Variants in KLRG2 observed in about 807,000 individuals in gnomAD.
KLRG2 encodes the protein killer cell lectin like receptor G2, also known as killer cell lectin-like receptor subfamily G member 2.
A neutral mutation model predicts 35.4 loss-of-function variants in KLRG2; 39 were observed. That is an observed-to-expected ratio of 1.10 (90% CI 0.85 to 1.44). The LOEUF is 1.44. KLRG2 is among the 40% of genes most tolerant of loss of function. The pLI, the probability that KLRG2 is intolerant of heterozygous loss-of-function variation, is 0.00. For missense variants in KLRG2, 632 were observed against 570.9 expected (o/e 1.11, Z -1.09); for synonymous variants, 283 against 265.8 (o/e 1.06, Z -0.63).
At chr7:139,466,530 C>T (rs1463980663) in intron 3 of KLRG2, among the ~76,000 whole-genome samples, 1 of 152,096 alleles carries the variant, frequency 6.6e-6, no homozygotes, top group Non-Finnish European at 1.5e-5. Flanking sequence ...TACTTTCACC[C>T]TGATGAAGTC....
chr7:139,454,648 T>A (rs1218341122), intron 3 of KLRG2, among the ~76,000 whole-genome samples: 2 of 141,420 alleles, frequency 1.4e-5, no homozygotes, highest in African/African-American at 5.4e-5. Context: ...AAACCCCGTT[T>A]CTATTAAAAA....
At position 139,467,568 on chromosome 7, in the gene KLRG2, T is replaced by A. The variant is rs60136247; in HGVS notation, c.1005+12059A>T. On this transcript the variant is annotated intron_variant, in intron 3 of 4. Coordinates refer to ENST00000340940, the MANE Select transcript of KLRG2 (RefSeq NM_198508.4). ...GCCGTGCTCTCTGAAACATGTGCTG[T>A]GTCCACTCAGGGTTAAATGGATTAA... Among the ~76,000 whole-genome samples, 891 of 152,152 alleles carry A rather than the reference T, an allele frequency of 5.9e-3. 4 individuals carry two copies. Among genetic ancestry groups the A allele is most frequent in the Non-Finnish European group, 9.8e-3 (668 of 68,018 alleles).
At chr7:139,461,196 G>T (rs767444498) in intron 3 of KLRG2, among the ~76,000 whole-genome samples, 16 of 151,606 alleles carry the variant, frequency 1.1e-4, no homozygotes, top group Non-Finnish European at 2.2e-4. Context: ...GCAGTGAGCT[G>T]AGATCGCACC....
chr7:139,465,608 C>T (rs1342229038), intron 3 of KLRG2, among the ~76,000 whole-genome samples: 4 of 150,728 alleles, frequency 2.7e-5, no homozygotes, highest in African/African-American at 4.9e-5. Flanking sequence ...AGGAGAATGG[C>T]GTGAACCTGG....
At chr7:139,448,504 A>T (rs934009096), downstream of KLRG2, among the ~76,000 whole-genome samples, 1 of 152,168 alleles carries the variant, frequency 6.6e-6, no homozygotes, top group Non-Finnish European at 1.5e-5. Context: ...TTGTGTATCT[A>T]ACATAGAAAA....
At chr7:139,478,055 G>T (rs1796882961) in intron 3 of KLRG2, among the ~76,000 whole-genome samples, 1 of 147,162 alleles carries the variant, frequency 6.8e-6, no homozygotes, top group Non-Finnish European at 1.5e-5. Context: ...ACTGTGCCCG[G>T]CCCACAATTT....
chr7:139,462,098 A>C (rs1332359564), intron 3 of KLRG2, among the ~76,000 whole-genome samples: 1 of 152,082 alleles, frequency 6.6e-6, no homozygotes, highest in Non-Finnish European at 1.5e-5. Context: ...TCTTAATTTC[A>C]GTGCCTTTCC....
chr7:139,451,713 C>T (rs1796379259), downstream of KLRG2, among the ~76,000 whole-genome samples: 1 of 152,026 alleles, frequency 6.6e-6, no homozygotes, highest in South Asian at 2.1e-4. Context: ...TCATTCTAGA[C>T]CTTCCACTTT....
chr7:139,453,756 G>C (rs1159728701), intron 4 of KLRG2, 49 bp from the exon 5 acceptor site: 1 of 1,610,066 alleles, frequency 6.2e-7, no homozygotes, highest in Non-Finnish European at 8.5e-7. Context: ...GGGTGCCGGG[G>C]CCTTGCTTCC....
At chr7:139,479,518 T>A in intron 3 of KLRG2, 109 bp downstream of exon 3, 1 of 1,137,108 alleles carries the variant, frequency 8.8e-7, no homozygotes, top group Non-Finnish European at 1.3e-6. Context: ...TACACCTTGG[T>A]GATTTCTATA....
the KLRG2 span, among the ~76,000 whole-genome samples, chr7:139,446,032 T>C: frequency 4.0e-5 from 6 of 150,952 alleles, no homozygotes; most frequent in Non-Finnish European, 7.4e-5. Flanking sequence ...GAGGTTTCCA[T>C]GTTAGCCAGG....
At chr7:139,482,087 A>G (rs1255893776) in intron 1 of KLRG2, among the ~76,000 whole-genome samples, 8 of 152,144 alleles carry the variant, frequency 5.3e-5, no homozygotes, top group African/African-American at 1.9e-4. Flanking sequence ...ACCACAAAAT[A>G]ACCAGCCGCA....
chr7:139,466,589 C>A (rs10250296), intron 3 of KLRG2, among the ~76,000 whole-genome samples: 14,923 of 152,046 alleles, frequency 0.098, 822 homozygotes, highest in Middle Eastern at 0.17. Flanking sequence ...CGTTCTTATG[C>A]CACGCTCTAC....
At position 139,453,436 on chromosome 7, in the gene KLRG2, A is replaced by G. The variant is rs1796403422; in HGVS notation, c.*151T>C. ...GATGCATCTTCCTGGGTTGAAGTCC[A>G]GCTCCTAGGCTCGCTCATGTGGCCC... On this transcript the variant is annotated 3_prime_UTR_variant, in exon 5 of 5. Coordinates refer to ENST00000340940, the MANE Select transcript of KLRG2 (RefSeq NM_198508.4). 1.3e-6 allele frequency: 1 copy of G among 754,116 alleles called. No homozygotes were observed. Among genetic ancestry groups the G allele is most frequent in the Non-Finnish European group, 2.1e-6 (1 of 480,272 alleles). The allele number at this position is 754,116 out of a possible 1,614,324, so 46.7% of individuals were successfully genotyped here.
At chr7:139,470,323 G>T (rs762759907) in intron 3 of KLRG2, among the ~76,000 whole-genome samples, 7 of 152,150 alleles carry the variant, frequency 4.6e-5, no homozygotes, top group African/African-American at 1.4e-4. Flanking sequence ...CTCCCGAATT[G>T]CTGGGATTAC....
intron 3 of KLRG2, among the ~76,000 whole-genome samples, chr7:139,459,092 T>C (rs1446904239): frequency 1.3e-5 from 2 of 152,220 alleles, no homozygotes; most frequent in African/African-American, 4.8e-5. Flanking sequence ...CAGACTATGA[T>C]ATGTTTTCTG....
chr7:139,454,207 AG>A lies in KLRG2; in HGVS notation c.1012del (p.Leu338TrpfsTer95). ...GTGCCTGGAGACTGGGTATCTGCCC[AG>A]GAAGTCCTGAGGGAGAAAAGTAAGC... ...LPLLSHTQDF[L>X]GRYPVSRHSW... is the part of the protein sequence containing the mutation. On this transcript the variant is annotated frameshift_variant, in exon 4 of 5. Coordinates refer to ENST00000340940, the MANE Select transcript of KLRG2 (RefSeq NM_198508.4). LOFTEE classifies it high-confidence loss of function. 1.3e-6 allele frequency: 2 copies of A among 1,516,016 alleles called. No individual in the cohort carries two copies. The highest frequency in any genetic ancestry group is 1.2e-5 in the South Asian group (1 of 83,214). 93.9% of individuals were successfully genotyped at this position (1,516,016 alleles called of 1,614,324 possible).
intron 3 of KLRG2, among the ~76,000 whole-genome samples, chr7:139,469,739 C>A (rs569013363): frequency 6.6e-6 from 1 of 152,218 alleles, no homozygotes; most frequent in African/African-American, 2.4e-5. Flanking sequence ...CCACTACGCC[C>A]GGCTAATACA....
downstream of KLRG2, among the ~76,000 whole-genome samples, chr7:139,450,704 C>T (rs1299373307): frequency 6.6e-6 from 1 of 152,060 alleles, no homozygotes; most frequent in African/African-American, 2.4e-5. Flanking sequence ...TAACAATTGT[C>T]TTGGATGTTG....
Sources: gnomAD v4.1 joint callset for allele counts (sites outside exome capture counted in the v4.1 genomes callset) on GRCh38, gnomAD v4.1.1 for gene constraint, MANE v1.5 for transcripts, NCBI Gene and HGNC (gene_info 2026-07-23, HGNC 2026-07-21) for gene names.